The following DIAPH1 variants were observed in gnomAD, a reference collection of about 807,000 sequenced individuals.
DIAPH1 encodes diaphanous related formin 1.
In DIAPH1, 46 loss-of-function variants were observed where a neutral mutation model predicts 140.7. That is an observed-to-expected ratio of 0.33 (90% CI 0.26 to 0.42). The LOEUF (loss-of-function observed/expected upper bound fraction) is 0.42, where lower values mean the gene tolerates loss of function less well. DIAPH1 is among the 10% of genes least tolerant of loss of function. The probability of loss-of-function intolerance (pLI) is 1.00; values close to 1 mark genes in which losing one functional copy is unlikely to be tolerated. For missense variants in DIAPH1, 1,310 were observed against 1,558.7 expected (o/e 0.84, Z 2.69); for synonymous variants, 565 against 551.6 (o/e 1.02, Z -0.34).
intron 1 of DIAPH1, among the ~76,000 whole-genome samples, chr5:141,589,517 TATA>T (rs201516323): frequency 0.014 from 2,173 of 152,330 alleles, 37 homozygotes; most frequent in African/African-American, 0.05. Context: ...TATTCATAAA[TATA>T]ATATTGAATT....
chr5:141,593,374 G>C (rs1420748382), intron 1 of DIAPH1, among the ~76,000 whole-genome samples: 1 of 152,060 alleles, frequency 6.6e-6, no homozygotes, highest in Admixed American at 6.5e-5. Flanking sequence ...AGGATGCCAG[G>C]GTCCCTATAC....
chr5:141,526,708 G>T (rs1596337792), intron 24 of DIAPH1, among the ~76,000 whole-genome samples: 1 of 143,926 alleles, frequency 6.9e-6, no homozygotes, highest in African/African-American at 2.5e-5. Flanking sequence ...GTTTGTGTTT[G>T]TTTGTTTGAG....
chr5:141,594,170 CT>C (rs1157376742), intron 1 of DIAPH1, among the ~76,000 whole-genome samples: 2 of 152,180 alleles, frequency 1.3e-5, no homozygotes, highest in African/African-American at 4.8e-5. Flanking sequence ...TTCACAGTTT[CT>C]TATAAAACTA....
At position 141,618,943 on chromosome 5, in the gene DIAPH1, G is replaced by A. The variant is rs774431179; in HGVS notation, c.-29C>T. 5 of 1,336,502 alleles carry A rather than the reference G, an allele frequency of 3.7e-6. No homozygotes were observed. The South Asian group carries it at 4.4e-5, about 12-fold the overall frequency. 82.8% of individuals were successfully genotyped at this position (1,336,502 alleles called of 1,614,324 possible). ...CCGGTTCACGCTGGCCGGCGACCCC[G>A]CGCCTACGCCGCTCCCGCCTGGCAG... On this transcript the variant is annotated 5_prime_UTR_variant, in exon 1 of 28. Transcript: ENST00000389054.
chr5:141,603,320 A>G (rs1456241567), intron 1 of DIAPH1, among the ~76,000 whole-genome samples: 1 of 152,244 alleles, frequency 6.6e-6, no homozygotes, highest in South Asian at 2.1e-4. Flanking sequence ...ATCATGTTGT[A>G]TACCATAAAC....
chr5:141,518,540 T>A (rs2099886048), intron 27 of DIAPH1: 1 of 163,964 alleles, frequency 6.1e-6, no homozygotes, highest in Non-Finnish European at 1.3e-5. Flanking sequence ...TTTTTTTTTT[T>A]TTTTTTGATG....
At chr5:141,574,322 C>A (rs1418291992) in intron 15 of DIAPH1, 114 bp from the exon 16 acceptor site, 15 of 1,061,232 alleles carry the variant, frequency 1.4e-5, no homozygotes, top group Middle Eastern at 2.9e-4. Context: ...AATGGAGGAA[C>A]TGAGAGGAGT....
In DIAPH1 at chr5:141,575,045, A is replaced by G. The variant is rs1169454105; in HGVS notation, c.1563T>C (p.Asp521=). The part of the protein sequence containing the change: ...QKLQDLQGEK[D]ALHSEKQQIA... ...TTTGCTGCTTTTCAGAATGCAGTGC[A>G]TCTTTTTCTCCCTGAAGATCTTGAA... The change falls in exon 15 of 28, where the codon GAT becomes GAC. Residue 521 remains aspartate, a synonymous_variant. Transcript: ENST00000389054. 3.7e-6 allele frequency: 6 copies of G among 1,614,044 alleles called. No homozygotes were observed. The African/African-American group carries it at 4.0e-5, about 11-fold the overall frequency.
At chr5:141,520,176 A>G (rs2099886294) in intron 27 of DIAPH1, among the ~76,000 whole-genome samples, 1 of 152,236 alleles carries the variant, frequency 6.6e-6, no homozygotes. Context: ...AGATGGGGCA[A>G]TCATCATCAC....
intron 1 of DIAPH1, among the ~76,000 whole-genome samples, chr5:141,602,267 A>G (rs1596405622): frequency 6.6e-6 from 1 of 152,228 alleles, no homozygotes; most frequent in East Asian, 1.9e-4. Flanking sequence ...CCTATGCTGG[A>G]GTGCAGTGGC....
chr5:141,598,092 C>T (rs2099899598), intron 1 of DIAPH1, among the ~76,000 whole-genome samples: 1 of 152,196 alleles, frequency 6.6e-6, no homozygotes, highest in Admixed American at 6.5e-5. Flanking sequence ...TAAACACTCA[C>T]AGAATCTGAA....
At chr5:141,525,498 AAC>A (rs1481371204) in intron 26 of DIAPH1, among the ~76,000 whole-genome samples, 1 of 152,158 alleles carries the variant, frequency 6.6e-6, no homozygotes, top group African/African-American at 2.4e-5. Context: ...CTGGTAGTGA[AAC>A]AGAGATTCTG....
chr5:141,580,944 A>C, intron 7 of DIAPH1, 61 bp from the exon 8 acceptor site: 1 of 1,609,188 alleles, frequency 6.2e-7, no homozygotes, highest in Non-Finnish European at 8.5e-7. Context: ...CTGGGGGACA[A>C]GTTTACGGGT....
At chr5:141,544,436 A>G (rs1195129373) in intron 18 of DIAPH1, among the ~76,000 whole-genome samples, 1 of 152,222 alleles carries the variant, frequency 6.6e-6, no homozygotes, top group Non-Finnish European at 1.5e-5. Flanking sequence ...AAATGAGAAG[A>G]CAAGATTGGG....
At chr5:141,562,606 C>CAAAA (rs754741971) in intron 18 of DIAPH1, among the ~76,000 whole-genome samples, 5 of 76,838 alleles carry the variant, frequency 6.5e-5, no homozygotes, top group Admixed American at 1.5e-4. Flanking sequence ...CTTACCTATG[C>CAAAA]AAAAAAAAAA....
At chr5:141,608,623 T>G (rs1178773810) in intron 1 of DIAPH1, among the ~76,000 whole-genome samples, 1 of 152,158 alleles carries the variant, frequency 6.6e-6, no homozygotes, top group Non-Finnish European at 1.5e-5. Flanking sequence ...CAACAGAAAC[T>G]CTTCCCTACT....
chr5:141,577,564 G>C lies in DIAPH1; in HGVS notation c.1191C>G (p.Leu397=), dbSNP rs775739859. The part of the protein sequence containing the change: ...MDDFNEVFQI[L]LNTVKDSKAE... ...CCTTTGAATCCTTCACTGTGTTTAAGAGAATCTGAAAGACTTCATTAAAGT... is the reference window on the plus strand; with the variant it reads ...CCTTTGAATCCTTCACTGTGTTTAACAGAATCTGAAAGACTTCATTAAAGT... The change falls in exon 12 of 28, where the codon CTC becomes CTG. Residue 397 remains leucine, a synonymous_variant. Coordinates refer to ENST00000389054, the MANE Select transcript of DIAPH1 (RefSeq NM_005219.5). The C allele has an allele frequency of 6.8e-6, 11 of 1,613,204 alleles. No individual in the cohort carries two copies. The highest frequency in any genetic ancestry group is 8.5e-6 in the Non-Finnish European group (10 of 1,179,222).
At chr5:141,557,096 T>C (rs1402568684) in intron 18 of DIAPH1, among the ~76,000 whole-genome samples, 2 of 152,320 alleles carry the variant, frequency 1.3e-5, no homozygotes, top group Non-Finnish European at 2.9e-5. Context: ...AACTGCAATG[T>C]GTAGACTTTA....
At chr5:141,573,341 A>G in intron 16 of DIAPH1, 151 bp downstream of exon 16, 1 of 909,076 alleles carries the variant, frequency 1.1e-6, no homozygotes, top group Non-Finnish European at 1.7e-6. Context: ...AGGCTGAGGC[A>G]GGAGAATGGC....
Sources: gnomAD v4.1 joint callset for allele counts (sites outside exome capture counted in the v4.1 genomes callset) on GRCh38, gnomAD v4.1.1 for gene constraint, MANE v1.5 for transcripts, NCBI Gene and HGNC (gene_info 2026-07-23, HGNC 2026-07-21) for gene names.